The following DLEC1 variants were observed in gnomAD, a reference collection of about 807,000 sequenced individuals.
The protein encoded by DLEC1 is DLEC1 cilia and flagella associated protein.
In DLEC1, 146 loss-of-function variants were observed where a neutral mutation model predicts 198.1. The observed-to-expected ratio is 0.74, with a 90% CI of 0.64 to 0.85. DLEC1 has a LOEUF of 0.85. Among genes scored for constraint, DLEC1 ranks in the 40% least tolerant of loss-of-function variants. The pLI is 0.00. For missense variants in DLEC1, 2,233 were observed against 2,220.0 expected (o/e 1.01, Z -0.12); for synonymous variants, 897 against 866.8 (o/e 1.03, Z -0.61).
chr3:38,111,523 G>C (rs534177333), intron 23 of DLEC1, among the ~76,000 whole-genome samples, 154 bp from the exon 24 acceptor site: 4 of 152,296 alleles, frequency 2.6e-5, no homozygotes, highest in African/African-American at 9.6e-5. Flanking sequence ...AGGAGGTAAA[G>C]GAAAGAACTG....
chr3:38,098,228 G>A (rs1270946258), intron 18 of DLEC1, among the ~76,000 whole-genome samples: 2 of 152,094 alleles, frequency 1.3e-5, no homozygotes, highest in East Asian at 3.9e-4. Flanking sequence ...AGCCTCCAAG[G>A]CTGCTGCTGC....
chr3:38,096,796 G>GTGTA, intron 15 of DLEC1, 59 bp downstream of exon 15: 1 of 1,525,524 alleles, frequency 6.6e-7, no homozygotes. Context: ...ATGAGTGCAA[G>GTGTA]TGTAGGGAGG....
At chr3:38,117,180 C>T in intron 30 of DLEC1, 28 bp from the exon 31 acceptor site, 1 of 1,614,124 alleles carries the variant, frequency 6.2e-7, no homozygotes, top group African/African-American at 1.3e-5. Flanking sequence ...GCCCAGGGAT[C>T]AGCTGTGATC....
In DLEC1 at chr3:38,111,699, C is replaced by G; in HGVS notation, c.3466C>G (p.Leu1156Val). 6.2e-7 allele frequency: 1 copy of G among 1,613,490 alleles called. No individual in the cohort carries two copies. ...TSLPNMPPALLKTVRMQEHLA... is the reference protein window; with the variant it reads ...TSLPNMPPALVKTVRMQEHLA... ...AAGTCCCAACATGCCTCCTGCCCTG[C>G]TAAAGACAGTGCGGATGCAAGAGCA... Residue 1156 changes from leucine (L) to valine (V), a missense_variant, in exon 24 of 37, where the codon CTA becomes GTA. Physicochemically the swap from Leu to Val is conservative, Grantham distance 32. Transcript: ENST00000308059.
At chr3:38,071,687 A>T (rs1220326380) in intron 6 of DLEC1, among the ~76,000 whole-genome samples, 1 of 152,210 alleles carries the variant, frequency 6.6e-6, no homozygotes, top group Admixed American at 6.5e-5. Context: ...ACGCCTTTTG[A>T]TGCCTCTTGC....
chr3:38,077,097 G>A (rs944784759), intron 6 of DLEC1, among the ~76,000 whole-genome samples: 1 of 152,194 alleles, frequency 6.6e-6, no homozygotes, highest in Non-Finnish European at 1.5e-5. Flanking sequence ...ATTAGAGAGT[G>A]CCTAAGGAGA....
At chr3:38,056,780 G>A (rs573304997) in intron 2 of DLEC1, among the ~76,000 whole-genome samples, 1 of 152,308 alleles carries the variant, frequency 6.6e-6, no homozygotes, top group Non-Finnish European at 1.5e-5. Flanking sequence ...AACAGATTCA[G>A]TATCCAAAAT....
chr3:38,097,356 G>T, intron 16 of DLEC1, 81 bp downstream of exon 16: 2 of 1,537,692 alleles, frequency 1.3e-6, no homozygotes, highest in Non-Finnish European at 1.8e-6. Context: ...AGGGGCTTAT[G>T]CAGGGCTCTT....
chr3:38,107,697 T>A lies in DLEC1; in HGVS notation c.2978T>A (p.Ile993Asn), dbSNP rs552487670. The A allele has an allele frequency of 6.2e-7, 1 of 1,614,106 alleles. No individual in the cohort carries two copies. The highest frequency in any genetic ancestry group is 1.1e-5 in the South Asian group (1 of 91,066). The change falls in exon 20 of 37, where the codon ATC becomes AAC. Residue 993 changes from isoleucine (I) to asparagine (N), a missense_variant. By Grantham distance (149) the Ile-to-Asn change is moderately radical (BLOSUM62 -3). Coordinates refer to ENST00000308059, the MANE Select transcript of DLEC1 (RefSeq NM_007335.4). ...GVPTKTTITL[I>N]NGTLLPTQFH... ...CCCACGAAGACAACCATCACACTTA[T>A]CAATGGCACGCTCCTGCCTACCCAG...
Position 38,096,614 on chromosome 3 carries a change from T to A in DLEC1, c.2217T>A (p.Asp739Glu), listed in dbSNP as rs760477452. Residue 739 changes from aspartate (D) to glutamate (E), a missense_variant, in exon 15 of 37, where the codon GAT (aspartate) becomes GAA (glutamate). By Grantham distance (45) the Asp-to-Glu change is conservative. Coordinates refer to ENST00000308059, the MANE Select transcript of DLEC1 (RefSeq NM_007335.4). ...GGCACTCCTCCTACTCTGTGGATGATGTGATTGTCCTGGAAATCGAGGTGA... is the reference window on the plus strand; with the variant it reads ...GGCACTCCTCCTACTCTGTGGATGAAGTGATTGTCCTGGAAATCGAGGTGA... ...SLGHSSYSVD[D>E]VIVLEIEVKG... 6 of 1,612,362 alleles carry A rather than the reference T, an allele frequency of 3.7e-6. No homozygotes were observed. The African/African-American group carries it at 8.0e-5, about 22-fold the overall frequency.
intron 3 of DLEC1, among the ~76,000 whole-genome samples, chr3:38,060,586 A>G (rs147662001): frequency 7.3e-4 from 111 of 152,222 alleles, no homozygotes; most frequent in Middle Eastern, 3.4e-3. Context: ...TGGGATCTAG[A>G]AAATTGAGGG....
At chr3:38,078,761 G>A (rs993017010) in intron 6 of DLEC1, among the ~76,000 whole-genome samples, 18 of 152,192 alleles carry the variant, frequency 1.2e-4, no homozygotes, top group Non-Finnish European at 2.4e-4. Flanking sequence ...GCATGTTTGA[G>A]ATCCAGAACA....
chr3:38,120,803 T>C (rs565091014), intron 34 of DLEC1, among the ~76,000 whole-genome samples, 194 bp downstream of exon 34: 1 of 152,238 alleles, frequency 6.6e-6, no homozygotes, highest in African/African-American at 2.4e-5. Context: ...ACCTGCCTCA[T>C]GAGCTCAAAA....
chr3:38,093,456 G>A (rs962943748), intron 11 of DLEC1, 149 bp from the exon 12 acceptor site: 16 of 886,716 alleles, frequency 1.8e-5, no homozygotes, highest in African/African-American at 3.3e-5. Context: ...ACCTGTGGGC[G>A]GATATCCCCC....
At chr3:38,113,089 A>G (rs906689171) in intron 25 of DLEC1, among the ~76,000 whole-genome samples, 42 of 152,352 alleles carry the variant, frequency 2.8e-4, no homozygotes, top group African/African-American at 8.9e-4. Context: ...GAGTATCCCA[A>G]GTGGGCAAGG....
intron 27 of DLEC1, 83 bp from the exon 28 acceptor site, chr3:38,116,370 T>C (rs1236698060): frequency 2.2e-6 from 3 of 1,364,906 alleles, no homozygotes; most frequent in Non-Finnish European, 3.1e-6. Context: ...GTCATCTCTG[T>C]CTGGGGGTAT....
chr3:38,039,950 T>C (rs1247928424), intron 1 of DLEC1, among the ~76,000 whole-genome samples: 1 of 152,238 alleles, frequency 6.6e-6, no homozygotes, highest in Non-Finnish European at 1.5e-5. Flanking sequence ...AGTTGTTCCA[T>C]GGAGAGGATA....
At chr3:38,108,199 T>A (rs938819145) in intron 20 of DLEC1, among the ~76,000 whole-genome samples, 1 of 152,124 alleles carries the variant, frequency 6.6e-6, no homozygotes, top group Non-Finnish European at 1.5e-5. Context: ...TCCCAACAAG[T>A]GGTAAAGTCC....
chr3:38,057,261 C>T (rs972899642), intron 2 of DLEC1, among the ~76,000 whole-genome samples: 3 of 152,208 alleles, frequency 2.0e-5, no homozygotes, highest in Non-Finnish European at 4.4e-5. Context: ...GAGGCCAAGG[C>T]GGGCAGATCA....
Sources: gnomAD v4.1 joint callset for allele counts (sites outside exome capture counted in the v4.1 genomes callset) on GRCh38, gnomAD v4.1.1 for gene constraint, MANE v1.5 for transcripts, NCBI Gene and HGNC (gene_info 2026-07-23, HGNC 2026-07-21) for gene names.